The following OOEP variants were observed in gnomAD, a reference collection of about 807,000 sequenced individuals.
OOEP encodes the protein oocyte expressed protein, also known as oocyte-expressed protein homolog.
A neutral mutation model predicts 13.7 loss-of-function variants in OOEP; 16 were observed. The ratio of observed to expected loss-of-function variants is 1.16; its 90% confidence interval spans 0.79 to 1.77. The LOEUF is 1.77. Among genes scored for constraint, OOEP ranks in the 40% most tolerant of loss-of-function variants. The probability of loss-of-function intolerance (pLI) is 0.00; values close to 1 mark genes in which losing one functional copy is unlikely to be tolerated. For synonymous variants in OOEP, 89 were observed against 77.1 expected (o/e 1.15, Z -0.81); for missense variants, 195 against 193.1 (o/e 1.01, Z -0.06).
intron 2 of OOEP, chr6:73,394,339 G>A: frequency 1.4e-6 from 1 of 715,642 alleles, no homozygotes; most frequent in Non-Finnish European, 2.6e-6. Flanking sequence ...TTGTAACAGT[G>A]ACTTACCTTT....
intron 2 of OOEP, among the ~76,000 whole-genome samples, chr6:73,390,357 A>T (rs1301784603): frequency 6.6e-6 from 1 of 152,106 alleles, no homozygotes; most frequent in Admixed American, 6.6e-5. Flanking sequence ...TTTTGGGGGT[A>T]TTGGTCCCAG....
At chr6:73,388,538 G>C (rs967828828) in intron 2 of OOEP, among the ~76,000 whole-genome samples, 18 of 152,148 alleles carry the variant, frequency 1.2e-4, no homozygotes, top group Non-Finnish European at 1.5e-5. Flanking sequence ...CTTGAAAAAG[G>C]GATGGCAGCT....
intron 2 of OOEP, among the ~76,000 whole-genome samples, chr6:73,389,401 C>CT (rs36018892): frequency 0.023 from 3,415 of 151,292 alleles, 271 homozygotes; most frequent in East Asian, 0.16. Flanking sequence ...ACCTTTTTAT[C>CT]TTTTTTTTTG....
At chr6:73,390,010 G>A (rs978909293) in intron 2 of OOEP, among the ~76,000 whole-genome samples, 3 of 151,920 alleles carry the variant, frequency 2.0e-5, no homozygotes, top group Admixed American at 1.3e-4. Context: ...AGTGAAACCC[G>A]GTCTCTACTG....
chr6:73,373,400 C>A, upstream of OOEP: 1 of 858,382 alleles, frequency 1.2e-6, no homozygotes, highest in Non-Finnish European at 1.9e-6. Flanking sequence ...TCTCAGCTCA[C>A]TGGGTAGCTG....
chr6:73,394,699 G>C, intron 1 of OOEP: 2 of 715,226 alleles, frequency 2.8e-6, no homozygotes, highest in Non-Finnish European at 4.5e-6. Context: ...AACTGGGAAA[G>C]TCCCGCCCAC....
At chr6:73,392,619 CTTTTTTT>C (rs70994198) in intron 2 of OOEP, among the ~76,000 whole-genome samples, 1 of 44,034 alleles carries the variant, frequency 2.3e-5, no homozygotes, top group Non-Finnish European at 3.7e-5. Flanking sequence ...CCTAGGTAAT[CTTTTTTT>C]TTTTTTTTTT....
At chr6:73,393,115 A>AAT (rs1562281146) in intron 2 of OOEP, among the ~76,000 whole-genome samples, 1 of 140,150 alleles carries the variant, frequency 7.1e-6, no homozygotes, top group African/African-American at 2.5e-5. Flanking sequence ...AAAAAAAAAA[A>AAT]TTTTTTTTTT....
intron 2 of OOEP, among the ~76,000 whole-genome samples, chr6:73,381,381 C>G (rs1016525327): frequency 2.6e-5 from 4 of 152,072 alleles, no homozygotes; most frequent in Non-Finnish European, 5.9e-5. Flanking sequence ...CTTCAGGCAC[C>G]AGAGAGCTTC....
chr6:73,384,900 G>A (rs1236433456), intron 2 of OOEP, among the ~76,000 whole-genome samples: 1 of 151,686 alleles, frequency 6.6e-6, no homozygotes, highest in African/African-American at 2.4e-5. Flanking sequence ...CCACGTCTGG[G>A]TAATTTTTGT....
Position 73,368,814 on chromosome 6 carries a change from G to A in OOEP, c.420C>T (p.Asp140=). 2 of 1,613,258 alleles carry A rather than the reference G, an allele frequency of 1.2e-6. No homozygotes were observed. The highest frequency in any genetic ancestry group is 2.2e-5 in the East Asian group (1 of 44,876). ...CAACAGGATCCTGGGGAGAGTGGGG[G>A]TCTGATGCATGGGCCTTCAAGTTCT... is the stretch of plus-strand genomic sequence containing the variant. ...LEKNLKAHAS[D]PHSPQDPVA The change falls in exon 3 of 3, where the codon GAC becomes GAT. Residue 140 remains aspartate (D), a synonymous_variant. Coordinates refer to ENST00000370359, the MANE Select transcript of OOEP (RefSeq NM_001080507.3).
At chr6:73,394,257 C>T (rs1012259766) in intron 2 of OOEP, 4 of 693,084 alleles carry the variant, frequency 5.8e-6, no homozygotes, top group Non-Finnish European at 1.1e-5. Context: ...CAAAATGCAG[C>T]TTACATAGCG....
At chr6:73,393,277 C>CG (rs1769376459) in intron 2 of OOEP, among the ~76,000 whole-genome samples, 1 of 151,946 alleles carries the variant, frequency 6.6e-6, no homozygotes, top group Admixed American at 6.6e-5. Flanking sequence ...CCACCACACC[C>CG]GGCAGGGTCT....
intron 2 of OOEP, among the ~76,000 whole-genome samples, chr6:73,377,275 C>T (rs1352577304): frequency 6.6e-6 from 1 of 152,126 alleles, no homozygotes; most frequent in African/African-American, 2.4e-5. Context: ...CAAACTGGAG[C>T]CAAAACCTCA....
In OOEP at chr6:73,377,988, G is replaced by T. The variant is rs184323625; in HGVS notation, c.26-8603C>A. 4.3e-4 allele frequency among the ~76,000 whole-genome samples: 66 copies of T among 152,302 alleles called. 1 individual carries two copies. The highest frequency in any genetic ancestry group is 2.2e-3 in the Admixed American group (34 of 15,284). ...ACCACCGCACCTACAACCTATAGCT[G>T]TACCAGGCAGCTTTCAAGTTAAAAA... On this transcript the variant is annotated intron_variant, in intron 2 of 3. Coordinates refer to the OOEP transcript ENST00000370363.
chr6:73,394,666 G>A lies in OOEP; in HGVS notation c.-119+53C>T, dbSNP rs542680517. On this transcript the variant is annotated intron_variant, in intron 1 of 3. Transcript: ENST00000370363. ...CGACTACTTCAAGGCACACTCCCAC[G>A]GTTCAGAAAACCGATTGGCTAAAAC... The A allele has an allele frequency of 2.3e-5, 14 of 596,708 alleles. 1 individual carries two copies. Among genetic ancestry groups the A allele is most frequent in the African/African-American group, 7.4e-5 (4 of 53,830 alleles). 37.0% of individuals were successfully genotyped at this position (596,708 alleles called of 1,614,324 possible). A position where few individuals can be genotyped will look rare whatever the true frequency, so the allele number is the denominator to read the frequency against.
exon 1 of OOEP, chr6:73,394,804 T>A: frequency 6.6e-7 from 1 of 1,522,512 alleles, no homozygotes; most frequent in Admixed American, 2.0e-5. Flanking sequence ...GCTCCTTAAG[T>A]AGCGGCTGCG....
chr6:73,384,332 G>A (rs1235240912), intron 2 of OOEP, among the ~76,000 whole-genome samples: 3 of 152,164 alleles, frequency 2.0e-5, no homozygotes, highest in Admixed American at 6.5e-5. Context: ...CTCAAGCCCA[G>A]ATGGCTTTAC....
At chr6:73,394,377 T>G (rs1183603006) in exon 2 of OOEP, 1 of 714,876 alleles carries the variant, frequency 1.4e-6, no homozygotes, top group Non-Finnish European at 2.6e-6. Flanking sequence ...ACATTTCCGG[T>G]GCAGTGGCTG....
Sources: allele counts gnomAD v4.1 joint callset (sites outside exome capture counted in the v4.1 genomes callset), GRCh38; gene constraint gnomAD v4.1.1; transcripts MANE v1.5; gene names NCBI Gene and HGNC (gene_info 2026-07-23, HGNC 2026-07-21).